NFATC3: variants seen among roughly 807,000 people sequenced by gnomAD.
NFATC3 encodes the protein nuclear factor of activated T cells 3, also known as nuclear factor of activated T-cells, cytoplasmic 3.
A neutral mutation model predicts 98.6 loss-of-function variants in NFATC3; 46 were observed. The ratio of observed to expected loss-of-function variants is 0.47; its 90% CI spans 0.37 to 0.60. The LOEUF is 0.60. Ranked by LOEUF, NFATC3 falls within the 20% of genes least tolerant of loss-of-function variation. The probability of loss-of-function intolerance (pLI) is 0.00; values close to 1 mark genes in which losing one functional copy is unlikely to be tolerated. For missense variants in NFATC3, 1,256 were observed against 1,295.5 expected, an observed-to-expected ratio of 0.97 and a Z score of 0.47; for synonymous variants, 512 against 472.2, an observed-to-expected ratio of 1.08 and a Z score of -1.09.
chr16:68,167,907 A>G (rs2151598486), intron 5 of NFATC3, among the ~76,000 whole-genome samples: 1 of 127,364 alleles, frequency 7.9e-6, no homozygotes, highest in South Asian at 2.5e-4. Context: ...ATCTTGGCTC[A>G]CTGCAACCTC....
At chr16:68,113,629 CTGTG>C (rs2036102370) in intron 1 of NFATC3, among the ~76,000 whole-genome samples, 1 of 152,174 alleles carries the variant, frequency 6.6e-6, no homozygotes. Flanking sequence ...GCAGGTTCGG[CTGTG>C]CTGGGGAGAA....
intron 9 of NFATC3, among the ~76,000 whole-genome samples, chr16:68,198,847 G>C (rs2040782078): frequency 6.6e-6 from 1 of 152,158 alleles, no homozygotes; most frequent in Non-Finnish European, 1.5e-5. Flanking sequence ...AGGAGGTCGA[G>C]ACCATCCTGG....
chr16:68,085,815 C>T (rs995738117), intron 1 of NFATC3, 31 bp downstream of exon 1: 42 of 1,386,350 alleles, frequency 3.0e-5, no homozygotes, highest in Non-Finnish European at 3.7e-5. Context: ...GACCGTGGAG[C>T]GACCCCGCTT....
intron 9 of NFATC3, among the ~76,000 whole-genome samples, chr16:68,219,502 G>A (rs1397661991): frequency 6.6e-6 from 1 of 152,094 alleles, no homozygotes; most frequent in East Asian, 1.9e-4. Context: ...AGGAGTTCAC[G>A]GCTGTAGTGA....
At chr16:68,160,068 A>G in intron 4 of NFATC3, among the ~76,000 whole-genome samples, 1 of 151,568 alleles carries the variant, frequency 6.6e-6, no homozygotes, top group Admixed American at 6.6e-5. Context: ...CCGACTCAAA[A>G]AGAAAAAGAA....
At chr16:68,119,957 AG>A (rs1280104329) in intron 1 of NFATC3, among the ~76,000 whole-genome samples, 1 of 152,090 alleles carries the variant, frequency 6.6e-6, no homozygotes. Flanking sequence ...AACAGCACAA[AG>A]TTAGCTCCCC....
chr16:68,112,527 C>G (rs372725948), intron 1 of NFATC3, among the ~76,000 whole-genome samples: 1 of 151,760 alleles, frequency 6.6e-6, no homozygotes, highest in Non-Finnish European at 1.5e-5. Context: ...CCACCCGCCT[C>G]GGCCTCCCAA....
Position 68,191,497 on chromosome 16 carries a change from C to T in NFATC3, c.2828C>T (p.Pro943Leu). Residue 943 changes from proline (P) to leucine (L), a missense_variant, in exon 9 of 10, where the codon CCA becomes CTA. Pro to Leu is a moderately conservative substitution (Grantham distance 98). This residue lies in a region of NFATC3 where 636 missense variants were observed against 617.3 expected (regional missense o/e 1.03). Transcript: ENST00000346183. ...PLASSPLSGP[P>L]SPQLQPMPYQ... Reference sequence around the variant, plus strand: ...GCTAGTTCACCGCTTTCTGGGCCACCATCTCCTCAGCTTCAGCCTATGCCT... The same window carrying T: ...GCTAGTTCACCGCTTTCTGGGCCACTATCTCCTCAGCTTCAGCCTATGCCT... 6.2e-7 allele frequency: 1 copy of T among 1,614,136 alleles called. No homozygotes were observed. The highest frequency in any genetic ancestry group is 8.5e-7 in the Non-Finnish European group (1 of 1,180,034).
At chr16:68,224,125 TTAAAAAAAA>T (rs2041962719) in intron 9 of NFATC3, among the ~76,000 whole-genome samples, 1 of 142,182 alleles carries the variant, frequency 7.0e-6, no homozygotes, top group African/African-American at 2.6e-5. Context: ...ATGCACCAGT[TTAAAAAAAA>T]AAAAAAAAAA....
At chr16:68,099,239 G>A (rs2035207807) in intron 1 of NFATC3, among the ~76,000 whole-genome samples, 2 of 152,082 alleles carry the variant, frequency 1.3e-5, no homozygotes, top group South Asian at 4.1e-4. Flanking sequence ...TTTGAGACCA[G>A]CCTGGCCAAC....
intron 9 of NFATC3, among the ~76,000 whole-genome samples, chr16:68,202,244 C>G (rs916323976): frequency 6.6e-6 from 1 of 151,992 alleles, no homozygotes; most frequent in African/African-American, 2.4e-5. Context: ...ACATGCTGAT[C>G]CTGAATGTAG....
chr16:68,197,925 T>A (rs2040742914), intron 9 of NFATC3, among the ~76,000 whole-genome samples: 1 of 152,240 alleles, frequency 6.6e-6, no homozygotes, highest in South Asian at 2.1e-4. Flanking sequence ...CATGTATTAG[T>A]TGACTGTTAC....
chr16:68,144,575 G>A (rs150611794), intron 3 of NFATC3, among the ~76,000 whole-genome samples: 41 of 152,148 alleles, frequency 2.7e-4, no homozygotes, highest in Non-Finnish European at 4.9e-4. Context: ...GAACTCCTGA[G>A]CTCAAGCGAT....
intron 8 of NFATC3, among the ~76,000 whole-genome samples, chr16:68,185,918 A>G (rs1206410988): frequency 6.6e-6 from 1 of 151,524 alleles, no homozygotes; most frequent in Non-Finnish European, 1.5e-5. Context: ...CTTTCAGCCC[A>G]TGAATTGGGA....
At chr16:68,099,263 G>A (rs538147722) in intron 1 of NFATC3, among the ~76,000 whole-genome samples, 1 of 152,106 alleles carries the variant, frequency 6.6e-6, no homozygotes, top group African/African-American at 2.4e-5. Context: ...GTGAAACCCT[G>A]TCTCTACTAA....
intron 4 of NFATC3, among the ~76,000 whole-genome samples, chr16:68,164,228 C>T (rs1319228061): frequency 1.3e-5 from 2 of 152,226 alleles, no homozygotes; most frequent in African/African-American, 2.4e-5. Context: ...AGCGAAACCC[C>T]GTCTCCACCA....
chr16:68,122,614 C>G lies in NFATC3; in HGVS notation c.731C>G (p.Ser244Cys). Residue 244 changes from serine to cysteine, a missense_variant, in exon 2 of 10, where the codon TCT becomes TGT. By Grantham distance (112) the Ser-to-Cys change is moderately radical. Transcript: ENST00000346183. ...TCACCCAGGCAATCTCCTTGCCACT[C>G]TCCTAGATCCAGTGTCACTGATGAG... Reference protein sequence around the residue: ...SLSPRQSPCHSPRSSVTDENW... With the variant: ...SLSPRQSPCHCPRSSVTDENW... 6.2e-7 allele frequency: 1 copy of G among 1,614,180 alleles called. No homozygotes were observed. The highest frequency in any genetic ancestry group is 8.5e-7 in the Non-Finnish European group (1 of 1,180,036).
chr16:68,196,087 A>G (rs528436202), intron 9 of NFATC3, among the ~76,000 whole-genome samples: 1 of 152,162 alleles, frequency 6.6e-6, no homozygotes, highest in African/African-American at 2.4e-5. Context: ...TGCAAATTGA[A>G]TTTTTGATGC....
intron 3 of NFATC3, chr16:68,138,621 C>A (rs1222792631): frequency 1.6e-6 from 2 of 1,289,090 alleles, no homozygotes; most frequent in Admixed American, 4.6e-5. Context: ...CTACATTAAC[C>A]TGGAAATTAC....
Sources: gnomAD v4.1 joint callset for allele counts (sites outside exome capture counted in the v4.1 genomes callset) on GRCh38, gnomAD v4.1.1 for gene constraint, gnomAD v4.1.1 regional missense constraint, MANE v1.5 for transcripts, NCBI Gene and HGNC (gene_info 2026-07-23, HGNC 2026-07-21) for gene names.